Variants in CECR2 observed in about 807,000 individuals in gnomAD.
The protein encoded by CECR2 is chromatin remodeling regulator CECR2.
A neutral mutation model predicts 154.5 loss-of-function variants in CECR2; 30 were observed. The ratio of observed to expected loss-of-function variants is 0.19; its 90% CI spans 0.15 to 0.26. CECR2 has a LOEUF of 0.26. Among genes scored for constraint, CECR2 ranks in the 10% least tolerant of loss-of-function variants. The pLI is 1.00. For synonymous variants in CECR2, 725 were observed against 683.7 expected (o/e 1.06, Z -0.94); for missense variants, 1,743 against 1,829.3 (o/e 0.95, Z 0.86).
intron 2 of CECR2, among the ~76,000 whole-genome samples, chr22:17,479,765 C>CTTTTTT (rs571664926): frequency 1.5e-4 from 17 of 117,074 alleles, no homozygotes; most frequent in African/African-American, 4.8e-4. Flanking sequence ...TGTGGTCTTT[C>CTTTTTT]TTTTTTTTTT....
rs79338808 is a variant in CECR2, at chr22:17,519,015, T to C, written c.955-5103T>C. On this transcript the variant is annotated intron_variant, in intron 8 of 18. Coordinates refer to ENST00000262608, the MANE Select transcript of CECR2 (RefSeq NM_001290047.2). ...CTGCATCAGAGAGAACTTCTCAAGA[T>C]TGAGAAATCCATTTAACTTCTCTCC... is the stretch of plus-strand genomic sequence containing the variant. 1.7e-3 allele frequency: 309 copies of C among 180,610 alleles called. 2 individuals carry two copies. Among genetic ancestry groups the C allele is most frequent in the Admixed American group, 3.4e-3 (58 of 16,892 alleles). The allele number at this position is 180,610 out of a possible 1,614,324, so 11.2% of individuals were successfully genotyped here.
At chr22:17,464,659 C>T (rs1029023678) in intron 1 of CECR2, among the ~76,000 whole-genome samples, 10 of 152,110 alleles carry the variant, frequency 6.6e-5, no homozygotes, top group African/African-American at 2.4e-4. Flanking sequence ...ACCACCATAC[C>T]TAGCTAATTA....
chr22:17,460,428 A>G (rs1601396526), intron 1 of CECR2, among the ~76,000 whole-genome samples: 1 of 152,142 alleles, frequency 6.6e-6, no homozygotes, highest in Non-Finnish European at 1.5e-5. Flanking sequence ...CAGGCTGGTC[A>G]CTAACTCCTG....
intron 18 of CECR2, among the ~76,000 whole-genome samples, 181 bp downstream of exon 18, chr22:17,552,323 CAT>C (rs1458848879): frequency 1.3e-5 from 2 of 152,176 alleles, no homozygotes; most frequent in African/African-American, 2.4e-5. Flanking sequence ...TCACCTCTCA[CAT>C]GTCTCTTTTT....
chr22:17,510,449 G>T (rs1326829545), intron 7 of CECR2, among the ~76,000 whole-genome samples: 1 of 148,960 alleles, frequency 6.7e-6, no homozygotes, highest in South Asian at 2.2e-4. Flanking sequence ...CATCCTCGGC[G>T]ACAGAACAAG....
Position 17,404,564 on chromosome 22 carries a change from G to A in CECR2, c.126+34655G>A, listed in dbSNP as rs1174803716. Reference sequence around the variant, plus strand: ...AATTTTTTGTATTTTTAGTAGAGACGGGGTTTCACCGTTTTAGCCGGGATG... The same window carrying A: ...AATTTTTTGTATTTTTAGTAGAGACAGGGTTTCACCGTTTTAGCCGGGATG... On this transcript the variant is annotated intron_variant, in intron 1 of 18. Transcript: ENST00000262608. Among the ~76,000 whole-genome samples the A allele has an allele frequency of 2.9e-5, 4 of 138,550 alleles. No individual in the cohort carries two copies. In the South Asian group the frequency reaches 6.6e-4, roughly 23 times the overall value. 90.9% of individuals were successfully genotyped at this position (138,550 alleles called of 152,430 possible). A position where few individuals can be genotyped will look rare whatever the true frequency, so the allele number is the denominator to read the frequency against.
intron 1 of CECR2, among the ~76,000 whole-genome samples, chr22:17,410,169 A>T (rs1385280132): frequency 6.6e-6 from 1 of 151,788 alleles, no homozygotes; most frequent in Non-Finnish European, 1.5e-5. Flanking sequence ...TTTAGTAAAG[A>T]TGGGTTTTCA....
chr22:17,516,626 G>T (rs535406260), intron 8 of CECR2, among the ~76,000 whole-genome samples: 2 of 136,930 alleles, frequency 1.5e-5, no homozygotes, highest in African/African-American at 2.5e-5. Context: ...GTTTTGAGAC[G>T]GAGTTTTGCC....
At chr22:17,480,066 A>G (rs915354658) in intron 2 of CECR2, among the ~76,000 whole-genome samples, 2 of 152,150 alleles carry the variant, frequency 1.3e-5, no homozygotes, top group African/African-American at 4.8e-5. Flanking sequence ...TGCCCCTACA[A>G]GTATTTATTA....
chr22:17,490,703 C>T (rs1218134613), intron 2 of CECR2, among the ~76,000 whole-genome samples: 4 of 152,068 alleles, frequency 2.6e-5, no homozygotes, highest in African/African-American at 9.7e-5. Flanking sequence ...TCCACCTCAG[C>T]CTCCCAAAGT....
intron 14 of CECR2, among the ~76,000 whole-genome samples, chr22:17,541,165 T>C (rs1246609385): frequency 6.6e-6 from 1 of 152,046 alleles, no homozygotes; most frequent in East Asian, 1.9e-4. Flanking sequence ...GATTAAAAAA[T>C]ATGTAATCTG....
chr22:17,501,477 G>A (rs1211204778), intron 5 of CECR2, among the ~76,000 whole-genome samples: 1 of 151,868 alleles, frequency 6.6e-6, no homozygotes, highest in Non-Finnish European at 1.5e-5. Context: ...AGAATGACGT[G>A]AACCTGGGAG....
At chr22:17,506,412 C>T (rs1243259742) in intron 7 of CECR2, among the ~76,000 whole-genome samples, 1 of 152,188 alleles carries the variant, frequency 6.6e-6, no homozygotes, top group African/African-American at 2.4e-5. Flanking sequence ...CAGGTGTGAG[C>T]CACCACACCT....
chr22:17,463,152 GC>G (rs2054969943), intron 1 of CECR2, among the ~76,000 whole-genome samples: 1 of 152,190 alleles, frequency 6.6e-6, no homozygotes, highest in Admixed American at 6.5e-5. Flanking sequence ...TAGTGCAGAT[GC>G]CCCAGCCGGG....
chr22:17,434,643 C>A (rs1183654541), intron 1 of CECR2, among the ~76,000 whole-genome samples: 3 of 148,966 alleles, frequency 2.0e-5, no homozygotes, highest in Non-Finnish European at 4.5e-5. Flanking sequence ...TTTATGCCCG[C>A]ACCCCCCCTG....
chr22:17,443,317 T>C (rs1224895182), intron 1 of CECR2, among the ~76,000 whole-genome samples: 4 of 152,346 alleles, frequency 2.6e-5, no homozygotes, highest in Non-Finnish European at 5.9e-5. Context: ...TCTATTAAAA[T>C]TCTGTTTGGC....
chr22:17,421,614 CAAAAAAAAAAAAAAA>C (rs34156323), intron 1 of CECR2, among the ~76,000 whole-genome samples: 3 of 23,374 alleles, frequency 1.3e-4, no homozygotes, highest in East Asian at 3.7e-3. Flanking sequence ...GACTCCGTCT[CAAAAAAAAAAAAAAA>C]AAAAAAAAAA....
intron 3 of CECR2, among the ~76,000 whole-genome samples, chr22:17,498,671 T>TCA (rs1185018291): frequency 6.6e-6 from 1 of 151,994 alleles, no homozygotes; most frequent in Non-Finnish European, 1.5e-5. Context: ...GAGTGAGAGG[T>TCA]CACAGGAGGT....
chr22:17,388,440 G>A (rs2063290079), intron 1 of CECR2, among the ~76,000 whole-genome samples: 1 of 152,154 alleles, frequency 6.6e-6, no homozygotes, highest in Admixed American at 6.5e-5. Flanking sequence ...TTTACCCAAG[G>A]CCGCATGCCC....
Sources: allele counts gnomAD v4.1 joint callset (sites outside exome capture counted in the v4.1 genomes callset), GRCh38; gene constraint gnomAD v4.1.1; transcripts MANE v1.5; gene names NCBI Gene and HGNC (gene_info 2026-07-23, HGNC 2026-07-21).